PIR: variants seen among roughly 807,000 people sequenced by gnomAD.
PIR encodes the protein pirin.
Under a neutral mutation model 24.2 loss-of-function variants are expected in PIR, and 22 were observed. The ratio of observed to expected loss-of-function variants is 0.91; its 90% CI spans 0.65 to 1.30. PIR has a LOEUF of 1.30. Ranked by LOEUF, PIR falls within the 50% of genes most tolerant of loss-of-function variation. The pLI, the probability that PIR is intolerant of heterozygous loss-of-function variation, is 0.00. For synonymous variants in PIR, 80 were observed against 79.6 expected (o/e 1.00, Z -0.03); for missense variants, 220 against 220.3 (o/e 1.00, Z 0.01).
At chrX:15,437,210 T>A (rs953414863) in intron 5 of PIR, among the ~76,000 whole-genome samples, 4 of 111,916 alleles carry the variant, frequency 3.6e-5, no homozygotes, top group African/African-American at 1.3e-4. Context: ...CCTAGTTGGG[T>A]TTCAGCCTTC....
At chrX:15,399,779 A>G (rs999890980) in intron 7 of PIR, among the ~76,000 whole-genome samples, 1 of 111,621 alleles carries the variant, frequency 9.0e-6, no homozygotes, top group Non-Finnish European at 1.9e-5. Context: ...GTCATTAAAG[A>G]AGCACACATA....
chrX:15,395,365 C>T (rs1281594234), intron 8 of PIR, among the ~76,000 whole-genome samples: 1 of 111,885 alleles, frequency 8.9e-6, no homozygotes, highest in African/African-American at 3.3e-5. Context: ...CTGTAAAGGG[C>T]CAGAGAGTTT....
chrX:15,466,665 C>T (rs936324842), intron 3 of PIR, among the ~76,000 whole-genome samples: 2 of 112,118 alleles, frequency 1.8e-5, no homozygotes. Flanking sequence ...GCACCTGGCC[C>T]ATAACAGGTG....
At chrX:15,396,357 G>T (rs1168954555) in intron 8 of PIR, among the ~76,000 whole-genome samples, 1 of 111,740 alleles carries the variant, frequency 8.9e-6, no homozygotes, top group African/African-American at 3.3e-5. Flanking sequence ...AGTGGGCTAA[G>T]ATCTAATAAC....
rs148344331 is a variant in PIR at position 15,452,087 on chromosome X, G to C, written c.480+3761C>G. Among the ~76,000 whole-genome samples, 170 of 111,934 alleles carry C rather than the reference G, an allele frequency of 1.5e-3. 2 individuals carry two copies. The East Asian group carries it at 0.041, about 27-fold the overall frequency. On this transcript the variant is annotated intron_variant, in intron 5 of 9. Transcript: ENST00000380420. ...CTTGAACCAAGGCCATCTGGCTCCAGATTGCCTTTCTCTAACCCCAGTGGG... is the reference window on the plus strand; with the variant it reads ...CTTGAACCAAGGCCATCTGGCTCCACATTGCCTTTCTCTAACCCCAGTGGG...
intron 3 of PIR, among the ~76,000 whole-genome samples, chrX:15,469,718 A>G (rs995555537): frequency 2.7e-5 from 3 of 111,595 alleles, no homozygotes. Flanking sequence ...TGAAACATGA[A>G]TTTATTATCA....
At chrX:15,452,408 C>G (rs1920974980) in intron 5 of PIR, among the ~76,000 whole-genome samples, 1 of 111,557 alleles carries the variant, frequency 9.0e-6, no homozygotes, top group Admixed American at 9.6e-5. Context: ...CTTGTTCTGT[C>G]TTGGCTTTCC....
intron 5 of PIR, among the ~76,000 whole-genome samples, chrX:15,448,125 TG>T (rs1035847883): frequency 2.7e-5 from 3 of 111,996 alleles, no homozygotes; most frequent in Middle Eastern, 4.2e-3. Context: ...ACACCAAGAA[TG>T]GTATTTCTGG....
chrX:15,482,700 G>A (rs920959866), intron 2 of PIR, among the ~76,000 whole-genome samples: 2 of 111,966 alleles, frequency 1.8e-5, no homozygotes, highest in African/African-American at 6.5e-5. Flanking sequence ...TAAATGTGAT[G>A]TAATTATTCT....
chrX:15,397,822 A>G (rs1924221484), intron 7 of PIR, among the ~76,000 whole-genome samples: 1 of 112,108 alleles, frequency 8.9e-6, no homozygotes, highest in South Asian at 3.7e-4. Context: ...TCCTTAGGTA[A>G]ATTATAAAGT....
chrX:15,480,575 C>T (rs1922450288), intron 2 of PIR, among the ~76,000 whole-genome samples: 1 of 111,848 alleles, frequency 8.9e-6, no homozygotes, highest in Admixed American at 9.6e-5. Context: ...CAATTTTACA[C>T]ATATGAGAGT....
At chrX:15,462,728 T>C (rs1290160219) in intron 3 of PIR, among the ~76,000 whole-genome samples, 3 of 112,408 alleles carry the variant, frequency 2.7e-5, no homozygotes, top group African/African-American at 9.7e-5. Flanking sequence ...TGGTTATTAT[T>C]TTGCCCTACA....
chrX:15,433,326 A>G (rs1304921496), intron 5 of PIR, among the ~76,000 whole-genome samples: 1 of 110,152 alleles, frequency 9.1e-6, no homozygotes, highest in Non-Finnish European at 1.9e-5. Flanking sequence ...AGAAGGAGCA[A>G]AGAGCAACCA....
chrX:15,390,293 T>C (rs747195096), intron 8 of PIR, 42 bp from the exon 9 acceptor site: 1 of 772,400 alleles, frequency 1.3e-6, no homozygotes, highest in South Asian at 2.8e-5. Flanking sequence ...AGCAGGCTTA[T>C]TTTTGAAGAT....
rs758506659 is a variant in PIR at position 15,397,469 on chromosome X, T to C, written c.673A>G (p.Ser225Gly). ...HHTAVLGEGD[S>G]VQVENKDPKR... Reference sequence around the variant, plus strand: ...CTTACCTTGTTCTCCACCTGGACACTGTCACCTTCTCCAAGCACTGCTGTG... The same window carrying C: ...CTTACCTTGTTCTCCACCTGGACACCGTCACCTTCTCCAAGCACTGCTGTG... The change falls in exon 8 of 10, where the codon AGT becomes GGT. Residue 225 changes from serine (S) to glycine (G), a missense_variant. Coordinates refer to ENST00000380420, the MANE Select transcript of PIR (RefSeq NM_001018109.3). 2 of 1,200,239 alleles carry C rather than the reference T, an allele frequency of 1.7e-6. No homozygotes were observed. Among genetic ancestry groups the C allele is most frequent in the Admixed American group, 4.3e-5 (2 of 46,062 alleles).
At chrX:15,427,500 A>T (rs957255812) in intron 5 of PIR, among the ~76,000 whole-genome samples, 6 of 111,165 alleles carry the variant, frequency 5.4e-5, no homozygotes, top group Non-Finnish European at 5.7e-5. Flanking sequence ...CTCCATGAGG[A>T]CATGAACATT....
chrX:15,423,127 C>G, intron 6 of PIR, among the ~76,000 whole-genome samples: 1 of 111,779 alleles, frequency 8.9e-6, no homozygotes, highest in Admixed American at 9.5e-5. Flanking sequence ...AAAATCAAAT[C>G]AAAATGAATT....
intron 5 of PIR, among the ~76,000 whole-genome samples, chrX:15,446,814 G>A (rs1454854634): frequency 2.7e-5 from 3 of 111,623 alleles, no homozygotes; most frequent in Non-Finnish European, 5.6e-5. Flanking sequence ...TACCTCTATA[G>A]GGTCTTGCAT....
At chrX:15,421,599 T>C (rs953771763) in intron 6 of PIR, among the ~76,000 whole-genome samples, 17 of 104,153 alleles carry the variant, frequency 1.6e-4, no homozygotes, top group African/African-American at 6.0e-4. Context: ...CATGAAGAAA[T>C]AGAAAACTTC....
Sources: allele counts gnomAD v4.1 joint callset (sites outside exome capture counted in the v4.1 genomes callset), GRCh38; gene constraint gnomAD v4.1.1; transcripts MANE v1.5; gene names NCBI Gene and HGNC (gene_info 2026-07-23, HGNC 2026-07-21).